Variants in TBL1Y observed in about 807,000 individuals in gnomAD.
The protein encoded by TBL1Y is F-box-like/WD repeat-containing protein TBL1Y.
A neutral mutation model predicts 12.0 loss-of-function variants in TBL1Y; 15 were observed. That is an observed-to-expected ratio of 1.25 (90% CI 0.83 to 1.92). The LOEUF (loss-of-function observed/expected upper bound fraction) is 1.92, where lower values mean the gene tolerates loss of function less well. TBL1Y is among the 40% of genes most tolerant of loss of function. The pLI is 0.00. For missense variants in TBL1Y, 148 were observed against 116.7 expected (o/e 1.27, Z -1.24); for synonymous variants, 53 against 42.6 (o/e 1.24, Z -0.95).
intron 2 of TBL1Y, among the ~76,000 whole-genome samples, chrY:6,922,586 A>G (rs1341437671): frequency 1.7e-4 from 6 of 34,359 alleles, no homozygotes; most frequent in African/African-American, 2.3e-4. Flanking sequence ...CTAGACACAG[A>G]GCGCTGATTG....
intron 15 of TBL1Y, 33 bp downstream of exon 15, chrY:7,086,005 A>C (rs1026931800): frequency 1.1e-5 from 4 of 378,749 alleles, no homozygotes; most frequent in Non-Finnish European, 1.5e-5. Flanking sequence ...TGGGCTGTTT[A>C]ATCTCAGACA....
intron 2 of TBL1Y, among the ~76,000 whole-genome samples, chrY:6,977,618 C>G: frequency 3.0e-5 from 1 of 33,151 alleles, no homozygotes; most frequent in South Asian, 7.0e-4. Context: ...CACCCCCCAC[C>G]TATCACCTTT....
At chrY:7,084,544 C>T in intron 14 of TBL1Y, among the ~76,000 whole-genome samples, 2 of 33,806 alleles carry the variant, frequency 5.9e-5, no homozygotes, top group South Asian at 6.7e-4. Context: ...GATCGTGATC[C>T]GCCCACCTTG....
chrY:6,952,912 A>G, intron 2 of TBL1Y, among the ~76,000 whole-genome samples: 1 of 32,899 alleles, frequency 3.0e-5, no homozygotes, highest in South Asian at 7.0e-4. Flanking sequence ...TCTGTAAAGT[A>G]TTTTATTTCT....
At position 7,085,944 on chromosome Y, in the gene TBL1Y, C is replaced by G; in HGVS notation, c.1124C>G (p.Ala375Gly). 1 of 397,965 alleles carries G rather than the reference C, an allele frequency of 2.5e-6. No individual in the cohort carries two copies. The highest frequency in any genetic ancestry group is 3.5e-6 in the Non-Finnish European group (1 of 283,301). ...IKWDPSGMLL[A>G]SCSDDMTLKI... ...TGGGATCCTTCTGGAATGTTGCTGG[C>G]GTCCTGCTCGGATGACATGACATTG... Residue 375 changes from alanine to glycine, a missense_variant, in exon 15 of 19, where the codon GCG becomes GGG. By Grantham distance (60) the Ala-to-Gly change is moderately conservative. Transcript: ENST00000383032.
intron 2 of TBL1Y, among the ~76,000 whole-genome samples, chrY:6,924,973 G>T: frequency 2.9e-5 from 1 of 34,356 alleles, no homozygotes; most frequent in East Asian, 7.7e-4. Context: ...TGGGAGACAT[G>T]ATTTGGTTTA....
chrY:7,063,768 C>T (rs747009947), intron 7 of TBL1Y, 129 bp from the exon 8 acceptor site: 1,527 of 218,454 alleles, frequency 7.0e-3, no homozygotes, highest in Non-Finnish European at 0.01. Context: ...TCCCCCGTGG[C>T]CCCCTGGCTG....
At chrY:7,079,718 C>CT (rs2013081553) in intron 13 of TBL1Y, among the ~76,000 whole-genome samples, 22 of 32,590 alleles carry the variant, frequency 6.8e-4, no homozygotes, top group East Asian at 1.6e-3. Flanking sequence ...TTTCAGGAGG[C>CT]TTTTTTTTTA....
chrY:7,008,917 A>G, intron 4 of TBL1Y, among the ~76,000 whole-genome samples: 3 of 34,175 alleles, frequency 8.8e-5, no homozygotes, highest in African/African-American at 3.4e-4. Context: ...TTGCTTTCCC[A>G]GTGATTTCAT....
intron 7 of TBL1Y, among the ~76,000 whole-genome samples, chrY:7,051,503 C>CA (rs2012797328): frequency 6.0e-5 from 2 of 33,545 alleles, no homozygotes; most frequent in African/African-American, 1.2e-4. Context: ...AATTCCATCT[C>CA]AAAAAAACCC....
intron 4 of TBL1Y, among the ~76,000 whole-genome samples, chrY:7,000,804 T>A (rs2012444047): frequency 3.0e-5 from 1 of 33,708 alleles, no homozygotes; most frequent in Non-Finnish European, 7.3e-5. Context: ...TTCACCATGT[T>A]GGCCAGGCTG....
intron 2 of TBL1Y, among the ~76,000 whole-genome samples, chrY:6,916,913 T>C: frequency 2.9e-5 from 1 of 34,023 alleles, no homozygotes; most frequent in African/African-American, 1.1e-4. Context: ...TCTAGAGACA[T>C]TTTTGGGCTC....
chrY:6,967,610 C>G (rs2012178574), intron 2 of TBL1Y, among the ~76,000 whole-genome samples: 1 of 33,887 alleles, frequency 3.0e-5, no homozygotes. Context: ...GTCTTGAACT[C>G]CTGAGCTCAA....
intron 3 of TBL1Y, among the ~76,000 whole-genome samples, chrY:6,991,563 A>G (rs2012363796): frequency 3.0e-5 from 1 of 33,120 alleles, no homozygotes; most frequent in African/African-American, 1.2e-4. Flanking sequence ...AGAAAAGGAG[A>G]AAATTTGGAC....
At chrY:6,953,728 C>T in intron 2 of TBL1Y, among the ~76,000 whole-genome samples, 1 of 33,849 alleles carries the variant, frequency 3.0e-5, no homozygotes, top group African/African-American at 1.2e-4. Context: ...TGAGGAGCTG[C>T]GTTCCTTTGG....
chrY:6,992,149 G>A, intron 3 of TBL1Y, among the ~76,000 whole-genome samples: 1 of 33,803 alleles, frequency 3.0e-5, no homozygotes, highest in Non-Finnish European at 7.4e-5. Context: ...AGCCATGTGC[G>A]TAAGTTTGCT....
At chrY:7,063,615 G>C (rs750639558) in intron 7 of TBL1Y, among the ~76,000 whole-genome samples, 55 of 33,196 alleles carry the variant, frequency 1.7e-3, no homozygotes, top group Admixed American at 1.3e-3. Flanking sequence ...TAATTGGAAT[G>C]AGTCAGGGTA....
At chrY:7,025,674 C>G in intron 6 of TBL1Y, among the ~76,000 whole-genome samples, 1 of 33,392 alleles carries the variant, frequency 3.0e-5, no homozygotes, top group Admixed American at 2.7e-4. Context: ...GGAATTTACT[C>G]TACTCCAGGA....
intron 4 of TBL1Y, among the ~76,000 whole-genome samples, chrY:6,996,636 G>A (rs745433948): frequency 1.2e-4 from 4 of 33,014 alleles, no homozygotes; most frequent in Admixed American, 2.7e-4. Context: ...CCCAGGAGGC[G>A]GAGGTTGCAG....
Sources: allele counts gnomAD v4.1 joint callset (sites outside exome capture counted in the v4.1 genomes callset), GRCh38; gene constraint gnomAD v4.1.1; transcripts MANE v1.5; gene names NCBI Gene and HGNC (gene_info 2026-07-23, HGNC 2026-07-21).